Variants in SLC25A48 observed in about 807,000 individuals in gnomAD.
The protein encoded by SLC25A48 is solute carrier family 25 member 48, also known as CTC-321K16.1.
Under a neutral mutation model 32.2 loss-of-function variants are expected in SLC25A48, and 29 were observed. The observed-to-expected ratio is 0.90, with a 90% CI of 0.67 to 1.23. The LOEUF (loss-of-function observed/expected upper bound fraction) is 1.23. Ranked by LOEUF, SLC25A48 falls within the 50% of genes most tolerant of loss-of-function variation. The pLI, the probability that SLC25A48 is intolerant of heterozygous loss-of-function variation, is 0.00. For synonymous variants in SLC25A48, 164 were observed against 172.3 expected, an observed-to-expected ratio of 0.95 and a Z score of 0.38; for missense variants, 399 against 422.7, an observed-to-expected ratio of 0.94 and a Z score of 0.49.
chr5:135,748,879 T>C (rs1161519137), intron 3 of SLC25A48, among the ~76,000 whole-genome samples: 1 of 151,972 alleles, frequency 6.6e-6, no homozygotes, highest in Non-Finnish European at 1.5e-5. Flanking sequence ...TCACCATGCC[T>C]GGCTAATTTT....
chr5:135,579,190 G>T (rs1447549464), upstream of SLC25A48: 2 of 302,218 alleles, frequency 6.6e-6, no homozygotes, highest in African/African-American at 4.5e-5. Context: ...AGCCACGCGC[G>T]CACACGCACA....
intron 2 of SLC25A48, among the ~76,000 whole-genome samples, chr5:135,849,669 G>C (rs1473510160): frequency 6.6e-6 from 1 of 152,142 alleles, no homozygotes; most frequent in African/African-American, 2.4e-5. Context: ...CAAATACATA[G>C]GGCCACTGCG....
chr5:135,639,090 C>T (rs372500165), intron 3 of SLC25A48, among the ~76,000 whole-genome samples: 15 of 152,234 alleles, frequency 9.9e-5, no homozygotes, highest in East Asian at 7.7e-4. Flanking sequence ...AGCTAAAATA[C>T]GAAAAATATG....
At chr5:135,708,208 T>G (rs1372390361) in intron 3 of SLC25A48, among the ~76,000 whole-genome samples, 1 of 152,154 alleles carries the variant, frequency 6.6e-6, no homozygotes, top group Non-Finnish European at 1.5e-5. Flanking sequence ...AAAAATAGAA[T>G]AGCATAAACC....
rs145662399 is a variant in SLC25A48, at chr5:135,675,346, T to C, written c.-521+40390T>C. ...TGTGCAGAAGCTTTTTAGTTTACTA[T>C]AGTCCCATTTATCTGTTTCTGTTTT... On this transcript the variant is annotated intron_variant, in intron 3 of 10. Transcript: ENST00000646290. 2.2e-3 allele frequency among the ~76,000 whole-genome samples: 334 copies of C among 152,106 alleles called. 1 individual carries two copies. The highest frequency in any genetic ancestry group is 7.7e-3 in the African/African-American group (321 of 41,572).
chr5:135,788,675 T>C (rs1046361997), intron 3 of SLC25A48, among the ~76,000 whole-genome samples: 1 of 147,206 alleles, frequency 6.8e-6, no homozygotes, highest in African/African-American at 2.5e-5. Flanking sequence ...CTCCACCATA[T>C]GGTCTCTAAT....
chr5:135,816,890 A>G (rs752840656), intron 4 of SLC25A48, among the ~76,000 whole-genome samples: 9 of 152,206 alleles, frequency 5.9e-5, no homozygotes, highest in Non-Finnish European at 1.2e-4. Flanking sequence ...GTATTTGACA[A>G]TTTCACTGTA....
intron 3 of SLC25A48, among the ~76,000 whole-genome samples, chr5:135,793,872 C>G (rs996783809): frequency 2.6e-5 from 4 of 151,856 alleles, no homozygotes; most frequent in Admixed American, 6.6e-5. Flanking sequence ...AGATATTACT[C>G]TCCTAATATC....
At chr5:135,594,301 A>T (rs986871376) in intron 1 of SLC25A48, among the ~76,000 whole-genome samples, 10 of 152,192 alleles carry the variant, frequency 6.6e-5, no homozygotes, top group African/African-American at 2.4e-4. Context: ...TCAGTTGGGG[A>T]TACTTAAGTA....
At chr5:135,748,722 ATTT>A (rs1160434929) in intron 3 of SLC25A48, among the ~76,000 whole-genome samples, 1 of 135,008 alleles carries the variant, frequency 7.4e-6, no homozygotes, top group Non-Finnish European at 1.6e-5. Flanking sequence ...AGACAGGTAA[ATTT>A]TTTTTTTTTT....
intron 1 of SLC25A48, among the ~76,000 whole-genome samples, chr5:135,586,252 T>C (rs2159304): frequency 0.082 from 12,447 of 152,258 alleles, 514 homozygotes; most frequent in South Asian, 0.15. Flanking sequence ...TGTCACCCAC[T>C]ACCTTCCTGT....
chr5:135,762,242 A>G (rs1485364216), intron 3 of SLC25A48, among the ~76,000 whole-genome samples: 2 of 152,280 alleles, frequency 1.3e-5, no homozygotes, highest in East Asian at 3.9e-4. Context: ...ATGTGTGCTA[A>G]TGTGGAATAA....
intron 4 of SLC25A48, among the ~76,000 whole-genome samples, chr5:135,823,092 G>T (rs1279615796): frequency 6.6e-6 from 1 of 152,076 alleles, no homozygotes. Flanking sequence ...TTGGGGGAGA[G>T]CATGGACCAC....
chr5:135,720,979 C>T (rs1211629977), intron 3 of SLC25A48, among the ~76,000 whole-genome samples: 1 of 151,940 alleles, frequency 6.6e-6, no homozygotes, highest in Non-Finnish European at 1.5e-5. Flanking sequence ...ATGGGGTGCT[C>T]TTAGGGTAGG....
At chr5:135,806,402 TTTG>T (rs1757464630) in intron 3 of SLC25A48, among the ~76,000 whole-genome samples, 1 of 151,446 alleles carries the variant, frequency 6.6e-6, no homozygotes, top group African/African-American at 2.4e-5. Flanking sequence ...AGTATTAACA[TTTG>T]TTATTATAAA....
At chr5:135,875,621 A>T (rs1179481096) in intron 6 of SLC25A48, 1 of 152,230 alleles carries the variant, frequency 6.6e-6, no homozygotes, top group Non-Finnish European at 1.5e-5. Flanking sequence ...TTAGTTTTCA[A>T]ATGCTTATTT....
intron 3 of SLC25A48, among the ~76,000 whole-genome samples, chr5:135,713,448 A>G (rs543039618): frequency 1.3e-5 from 2 of 152,326 alleles, no homozygotes; most frequent in South Asian, 4.1e-4. Flanking sequence ...AGCCCTGATG[A>G]GGCTTGTCAT....
intron 3 of SLC25A48, among the ~76,000 whole-genome samples, chr5:135,785,328 G>A (rs1756810287): frequency 6.6e-6 from 1 of 151,960 alleles, no homozygotes; most frequent in African/African-American, 2.4e-5. Context: ...TCCAGGGAGG[G>A]AGGGGCTGAT....
intron 3 of SLC25A48, among the ~76,000 whole-genome samples, chr5:135,798,118 T>C (rs868518638): frequency 2.6e-5 from 4 of 151,962 alleles, no homozygotes; most frequent in South Asian, 2.1e-4. Context: ...ATATTGTTCC[T>C]AATATCCAGG....
Sources: allele counts gnomAD v4.1 joint callset (sites outside exome capture counted in the v4.1 genomes callset), GRCh38; gene constraint gnomAD v4.1.1; transcripts MANE v1.5; gene names NCBI Gene and HGNC (gene_info 2026-07-23, HGNC 2026-07-21).